Variants in MAP2K3 observed in about 807,000 individuals in gnomAD.
MAP2K3 encodes mitogen-activated protein kinase kinase 3.
Under a neutral mutation model 46.4 loss-of-function variants are expected in MAP2K3, and 30 were observed. The ratio of observed to expected loss-of-function variants is 0.65; its 90% CI spans 0.48 to 0.88. The LOEUF (loss-of-function observed/expected upper bound fraction) is 0.88. MAP2K3 is among the 40% of genes least tolerant of loss of function. The pLI is 0.00. For synonymous variants in MAP2K3, 189 were observed against 176.3 expected (o/e 1.07, Z -0.57); for missense variants, 380 against 464.5 (o/e 0.82, Z 1.67).
At chr17:21,311,788 A>G (rs5006073) in intron 9 of MAP2K3, 1 of 188,004 alleles carries the variant, frequency 5.3e-6, no homozygotes, top group Non-Finnish European at 1.1e-5. Flanking sequence ...TCATGAGGCT[A>G]CGGCCCAAAG....
Position 21,298,451 on chromosome 17 carries a change from A to C in MAP2K3, c.88A>C (p.Met30Leu), listed in dbSNP as rs1265176318. The change falls in exon 2 of 12, where the codon ATG (methionine) becomes CTG (leucine). Residue 30 changes from methionine (M) to leucine (L), a missense_variant. By Grantham distance (15) the Met-to-Leu change is conservative (BLOSUM62 2). Coordinates refer to ENST00000342679, the MANE Select transcript of MAP2K3 (RefSeq NM_145109.3). ...GAAGAAGGATCTACGGATATCCTGC[A>C]TGTCCAAGCCACCCGCACCCAACCC... ...KRKKDLRISC[M>L]SKPPAPNPTP... The C allele has an allele frequency of 1.9e-6, 3 of 1,614,198 alleles. No individual in the cohort carries two copies. Among genetic ancestry groups the C allele is most frequent in the African/African-American group, 2.7e-5 (2 of 74,966 alleles).
chr17:21,294,802 A>AC (rs1051486052), intron 1 of MAP2K3, among the ~76,000 whole-genome samples: 4 of 152,300 alleles, frequency 2.6e-5, no homozygotes, highest in African/African-American at 9.6e-5. Context: ...GACGCTGATA[A>AC]CCCGGGGAGG....
intron 4 of MAP2K3, 35 bp downstream of exon 4, chr17:21,300,693 C>CT: frequency 1.3e-6 from 2 of 1,596,484 alleles, no homozygotes; most frequent in Non-Finnish European, 1.7e-6. Context: ...GGAGGGCTCC[C>CT]TGGAGGAGGC....
At chr17:21,290,241 G>A (rs1975849341) in intron 1 of MAP2K3, among the ~76,000 whole-genome samples, 1 of 152,144 alleles carries the variant, frequency 6.6e-6, no homozygotes, top group South Asian at 2.1e-4. Flanking sequence ...GCCTGGGAGG[G>A]TTGCTTTGGC....
intron 2 of MAP2K3, among the ~76,000 whole-genome samples, 184 bp from the exon 3 acceptor site, chr17:21,298,694 G>A (rs890211484): frequency 6.6e-6 from 1 of 152,310 alleles, no homozygotes; most frequent in African/African-American, 2.4e-5. Flanking sequence ...TTGGAGGCTC[G>A]ATGAGGCCGT....
At chr17:21,288,579 G>A (rs951510414) in intron 1 of MAP2K3, among the ~76,000 whole-genome samples, 14 of 152,220 alleles carry the variant, frequency 9.2e-5, no homozygotes, top group Admixed American at 8.5e-4. Context: ...TCCCTTTTGC[G>A]ATGTGACGTG....
In MAP2K3 at chr17:21,298,394, C is replaced by G; in HGVS notation, c.50-19C>G. 6.2e-7 allele frequency: 1 copy of G among 1,614,306 alleles called. No homozygotes were observed. The highest frequency in any genetic ancestry group is 1.7e-5 in the Admixed American group (1 of 60,034). Reference sequence around the variant, plus strand: ...ATGTCAAGGGATAGGCCAGACGCCTCACCTTCTCTCCATTCTAGGAAAATC... The same window carrying G: ...ATGTCAAGGGATAGGCCAGACGCCTGACCTTCTCTCCATTCTAGGAAAATC... On this transcript the variant is annotated intron_variant, in intron 1 of 11. Coordinates refer to ENST00000342679, the MANE Select transcript of MAP2K3 (RefSeq NM_145109.3).
intron 9 of MAP2K3, among the ~76,000 whole-genome samples, chr17:21,310,712 C>T (rs553162047): frequency 6.6e-6 from 1 of 152,380 alleles, no homozygotes; most frequent in East Asian, 1.9e-4. Context: ...AGGGGTGCGA[C>T]TACGGTCCTG....
chr17:21,292,514 G>A (rs558321993), intron 1 of MAP2K3, among the ~76,000 whole-genome samples: 1,574 of 151,484 alleles, frequency 0.01, no homozygotes, highest in African/African-American at 0.029. Flanking sequence ...GCACCACCAC[G>A]CCCACTACAT....
At chr17:21,302,663 C>T (rs558192858) in intron 6 of MAP2K3, among the ~76,000 whole-genome samples, 2 of 152,422 alleles carry the variant, frequency 1.3e-5, no homozygotes, top group East Asian at 3.9e-4. Flanking sequence ...CTTTTTGAGT[C>T]TAAAAAGTCC....
At chr17:21,289,093 A>G (rs1432299784) in intron 1 of MAP2K3, among the ~76,000 whole-genome samples, 1 of 152,228 alleles carries the variant, frequency 6.6e-6, no homozygotes, top group African/African-American at 2.4e-5. Flanking sequence ...CTTCGTGACA[A>G]TGTGCTCGTA....
chr17:21,301,958 C>T (rs1976625234), intron 5 of MAP2K3, among the ~76,000 whole-genome samples, 185 bp from the exon 6 acceptor site: 1 of 151,934 alleles, frequency 6.6e-6, no homozygotes, highest in East Asian at 1.9e-4. Flanking sequence ...GCAGTGCAGG[C>T]AGAGTTGGAG....
intron 10 of MAP2K3, among the ~76,000 whole-genome samples, chr17:21,313,218 C>G (rs1977246805): frequency 6.6e-6 from 1 of 152,090 alleles, no homozygotes; most frequent in African/African-American, 2.4e-5. Flanking sequence ...GCATTGCAGC[C>G]CCATTTTGGT....
intron 1 of MAP2K3, among the ~76,000 whole-genome samples, chr17:21,287,041 C>A (rs1246368795): frequency 6.6e-6 from 1 of 152,254 alleles, no homozygotes; most frequent in Non-Finnish European, 1.5e-5. Context: ...TGCCTGAGGC[C>A]ACACAGCTGT....
intron 5 of MAP2K3, among the ~76,000 whole-genome samples, chr17:21,301,532 A>C (rs1976600306): frequency 6.6e-6 from 1 of 152,312 alleles, no homozygotes; most frequent in African/African-American, 2.4e-5. Flanking sequence ...CCCCTCAAAG[A>C]GCTGTGGCAG....
chr17:21,295,680 T>G (rs1434278447), intron 1 of MAP2K3: 23 of 1,289,388 alleles, frequency 1.8e-5, no homozygotes, highest in Non-Finnish European at 2.3e-5. Context: ...AACAGGCCGG[T>G]GGATGCAGAG....
At chr17:21,302,087 G>A (rs1976635178) in intron 5 of MAP2K3, 56 bp from the exon 6 acceptor site, 4 of 1,557,804 alleles carry the variant, frequency 2.6e-6, no homozygotes, top group East Asian at 2.2e-5. Context: ...GGCAGTGCAG[G>A]TGGTGCAGAC....
intron 1 of MAP2K3, among the ~76,000 whole-genome samples, chr17:21,288,613 C>T (rs760919063): frequency 6.6e-6 from 1 of 152,236 alleles, no homozygotes. Flanking sequence ...CTGGTCCACT[C>T]TCTGCACTCT....
At chr17:21,287,913 AC>A (rs1203612218) in intron 1 of MAP2K3, 61 of 651,622 alleles carry the variant, frequency 9.4e-5, no homozygotes, top group Admixed American at 4.4e-4. Context: ...TGCTGTGGCC[AC>A]CCCCCCAACC....
Sources: allele counts gnomAD v4.1 joint callset (sites outside exome capture counted in the v4.1 genomes callset), GRCh38; gene constraint gnomAD v4.1.1; transcripts MANE v1.5; gene names NCBI Gene and HGNC (gene_info 2026-07-23, HGNC 2026-07-21).